Variants in ARK2N observed in about 807,000 individuals in gnomAD.
ARK2N encodes the protein protein ARK2N.
chr18:46,216,249 G>A, the ARK2N span: 1,404 of 1,613,840 alleles, frequency 8.7e-4, 11 homozygotes, highest in South Asian at 0.014. The surrounding 1 kb of genome is among the most constrained non-coding windows in gnomAD (Gnocchi z 4.3). Flanking sequence ...CAGAAACGGC[G>A]GTAGAAGGAG....
At chr18:46,187,347 T>TC in the ARK2N span, among the ~76,000 whole-genome samples, 1 of 80,694 alleles carries the variant, frequency 1.2e-5, no homozygotes, top group African/African-American at 3.1e-5. Context: ...ATGATAACTG[T>TC]CTTTTTTTTT....
the ARK2N span, among the ~76,000 whole-genome samples, chr18:46,191,205 T>A: frequency 8.5e-5 from 13 of 152,178 alleles, no homozygotes. Flanking sequence ...ATTTTTTAGA[T>A]GAGTTTTAGG....
the ARK2N span, chr18:46,216,133 T>C: frequency 1.9e-6 from 3 of 1,614,058 alleles, no homozygotes; most frequent in Non-Finnish European, 2.5e-6. This position sits in a 1 kb window ranked among gnomAD's most constrained non-coding sequence, Gnocchi z 4.3. Flanking sequence ...TGGCCGAGTT[T>C]ATGAGAGTGA....
chr18:46,236,777 G>A, the ARK2N span, among the ~76,000 whole-genome samples: 1 of 151,900 alleles, frequency 6.6e-6, no homozygotes, highest in African/African-American at 2.4e-5. Context: ...CAGTATCCCC[G>A]TGTTTATTCT....
chr18:46,253,388 A>G, the ARK2N span, among the ~76,000 whole-genome samples: 1 of 152,212 alleles, frequency 6.6e-6, no homozygotes, highest in Admixed American at 6.5e-5. Context: ...GTTTAGGTAG[A>G]CAGATATAGG....
chr18:46,228,588 CTT>C, the ARK2N span, among the ~76,000 whole-genome samples: 1 of 151,846 alleles, frequency 6.6e-6, no homozygotes, highest in African/African-American at 2.4e-5. Flanking sequence ...CATAGGTAGC[CTT>C]TTTTATTTTT....
chr18:46,241,522 G>A, the ARK2N span, among the ~76,000 whole-genome samples: 1 of 152,074 alleles, frequency 6.6e-6, no homozygotes, highest in African/African-American at 2.4e-5. Context: ...AGGAGTTCAA[G>A]ACCAGCCTGA....
chr18:46,232,018 A>C, the ARK2N span: 1 of 152,194 alleles, frequency 6.6e-6, no homozygotes, highest in African/African-American at 2.4e-5. Context: ...GGCCCCCCAG[A>C]GTGCTGCCAC....
the ARK2N span, among the ~76,000 whole-genome samples, chr18:46,206,381 G>T: frequency 6.6e-5 from 10 of 151,964 alleles, no homozygotes; most frequent in Non-Finnish European, 1.0e-4. Context: ...CCACTGCTTG[G>T]CTGTACCACC....
chr18:46,197,087 C>A, the ARK2N span, among the ~76,000 whole-genome samples: 1 of 152,150 alleles, frequency 6.6e-6, no homozygotes, highest in South Asian at 2.1e-4. Flanking sequence ...AGCCTGCATT[C>A]GAGGGAGGAG....
At chr18:46,263,967 A>G in the ARK2N span, 1 of 152,366 alleles carries the variant, frequency 6.6e-6, no homozygotes, top group Non-Finnish European at 1.5e-5. Flanking sequence ...GTTGGGAAGA[A>G]TATGAAAAGT....
the ARK2N span, among the ~76,000 whole-genome samples, chr18:46,185,745 G>T: frequency 6.6e-6 from 1 of 152,166 alleles, no homozygotes; most frequent in Non-Finnish European, 1.5e-5. Context: ...CCAGTACTTT[G>T]TGAGGCCTAG....
chr18:46,215,431 GC>G, the ARK2N span, among the ~76,000 whole-genome samples: 1 of 152,122 alleles, frequency 6.6e-6, no homozygotes. Context: ...TCCAGGTAAT[GC>G]ATTTCTAGAC....
chr18:46,189,547 T>C, the ARK2N span, among the ~76,000 whole-genome samples: 1 of 152,172 alleles, frequency 6.6e-6, no homozygotes, highest in Non-Finnish European at 1.5e-5. Context: ...TGCCTTAGCC[T>C]CCTGAATAGT....
the ARK2N span, among the ~76,000 whole-genome samples, chr18:46,212,990 ATTTTTTTTTTTTTT>A: frequency 0.036 from 2,902 of 80,778 alleles, 102 homozygotes; most frequent in African/African-American, 0.11. Flanking sequence ...TTTAAGAAGA[ATTTTTTTTTTTTTT>A]TTTTTTTTTT....
At chr18:46,202,801 T>TAAAAAAA in the ARK2N span, among the ~76,000 whole-genome samples, 2 of 100,226 alleles carry the variant, frequency 2.0e-5, no homozygotes, top group Non-Finnish European at 4.3e-5. Flanking sequence ...AAAATAAAAA[T>TAAAAAAA]TAAAAAAAAA....
the ARK2N span, among the ~76,000 whole-genome samples, chr18:46,174,937 C>A: frequency 1.3e-5 from 2 of 152,222 alleles, no homozygotes; most frequent in Admixed American, 6.5e-5. Flanking sequence ...GCTTCCACTA[C>A]CTTCGGTCGG....
the ARK2N span, among the ~76,000 whole-genome samples, chr18:46,233,798 T>C: frequency 6.6e-6 from 1 of 152,204 alleles, no homozygotes; most frequent in Non-Finnish European, 1.5e-5. Flanking sequence ...TTTAAATTTT[T>C]AATAATTGAG....
chr18:46,229,643 G>A, the ARK2N span, among the ~76,000 whole-genome samples: 1 of 150,972 alleles, frequency 6.6e-6, no homozygotes, highest in African/African-American at 2.4e-5. Context: ...TTGAGATGAG[G>A]TCTCGCTCTA....
Sources: gnomAD v4.1 joint callset for allele counts (sites outside exome capture counted in the v4.1 genomes callset) on GRCh38, gnomAD v4.1.1 for gene constraint, Gnocchi (gnomAD v3.1) non-coding constraint, MANE v1.5 for transcripts, NCBI Gene and HGNC (gene_info 2026-07-23, HGNC 2026-07-21) for gene names.